SLC24A2: variants seen among roughly 807,000 people sequenced by gnomAD.
SLC24A2 encodes the protein solute carrier family 24 member 2, also known as sodium/potassium/calcium exchanger 2.
SLC24A2 carries 36 observed loss-of-function variants against 62.0 expected under a neutral mutation model. That is an observed-to-expected ratio of 0.58 (90% CI 0.44 to 0.77). The LOEUF is 0.77. SLC24A2 is among the 30% of genes least tolerant of loss of function. The probability of loss-of-function intolerance (pLI) is 0.00; values close to 1 mark genes in which losing one functional copy is unlikely to be tolerated. For synonymous variants in SLC24A2, 358 were observed against 294.0 expected, an observed-to-expected ratio of 1.22 and a Z score of -2.23; for missense variants, 846 against 817.9, an observed-to-expected ratio of 1.03 and a Z score of -0.42.
At position 19,623,981 on chromosome 9, in the gene SLC24A2, T is replaced by C. The variant is rs573145159; in HGVS notation, c.931-1682A>G. On this transcript the variant is annotated intron_variant, in intron 2 of 10. Transcript: ENST00000341998. ...AAACGCTAATAGGGAAATATCCTGATGCCCTAGTTCCCAAGAGCCTGCTTG... is the reference window on the plus strand; with the variant it reads ...AAACGCTAATAGGGAAATATCCTGACGCCCTAGTTCCCAAGAGCCTGCTTG... 3.9e-5 allele frequency among the ~76,000 whole-genome samples: 6 copies of C among 152,354 alleles called. No individual in the cohort carries two copies. In the South Asian group the frequency reaches 1.2e-3, roughly 32 times the overall value.
chr9:19,550,563 G>A (rs1834794136), intron 7 of SLC24A2, among the ~76,000 whole-genome samples: 1 of 152,090 alleles, frequency 6.6e-6, no homozygotes, highest in Non-Finnish European at 1.5e-5. Flanking sequence ...TACAATTCAC[G>A]AGCTTCTTAT....
chr9:19,962,321 A>T, the SLC24A2 span, among the ~76,000 whole-genome samples: 1 of 152,088 alleles, frequency 6.6e-6, no homozygotes, highest in African/African-American at 2.4e-5. Flanking sequence ...TTGTTCTTTT[A>T]GCTTAGGATT....
chr9:20,153,254 A>C, the SLC24A2 span, among the ~76,000 whole-genome samples: 4 of 151,924 alleles, frequency 2.6e-5, no homozygotes, highest in Non-Finnish European at 2.9e-5. Flanking sequence ...CTGTAGGAGA[A>C]ACTGAATCTA....
chr9:19,577,089 G>T lies in SLC24A2; in HGVS notation c.1130-67C>A, dbSNP rs1024275466. The T allele has an allele frequency of 2.3e-5, 29 of 1,249,048 alleles. No individual in the cohort carries two copies. In the African/African-American group the frequency reaches 3.8e-4, roughly 17 times the overall value. 77.4% of individuals were successfully genotyped at this position (1,249,048 alleles called of 1,614,324 possible). A position where few individuals can be genotyped will look rare whatever the true frequency, so the allele number is the denominator to read the frequency against. On this transcript the variant is annotated intron_variant, in intron 5 of 10. Coordinates refer to ENST00000341998, the MANE Select transcript of SLC24A2 (RefSeq NM_020344.4). ...AGAAGAGAGTCTCAGGGCCAAGCAG[G>T]TATGTGGCCTCCTCAGTCACGCTGC...
the SLC24A2 span, among the ~76,000 whole-genome samples, chr9:19,865,462 A>C: frequency 6.6e-6 from 1 of 152,196 alleles, no homozygotes; most frequent in Admixed American, 6.5e-5. Context: ...TTATGCTAGA[A>C]AGATATGGTA....
intron 2 of SLC24A2, among the ~76,000 whole-genome samples, chr9:19,687,504 T>C (rs964120893): frequency 2.6e-5 from 4 of 152,034 alleles, no homozygotes; most frequent in African/African-American, 9.7e-5. Context: ...TATCAGGCCA[T>C]AGCTATGACG....
At chr9:20,294,319 C>T in the SLC24A2 span, among the ~76,000 whole-genome samples, 6 of 152,038 alleles carry the variant, frequency 3.9e-5, no homozygotes, top group Non-Finnish European at 7.4e-5. Flanking sequence ...CTGCTCATCA[C>T]GGTGACAATG....
At chr9:20,160,643 A>G in the SLC24A2 span, among the ~76,000 whole-genome samples, 2 of 151,266 alleles carry the variant, frequency 1.3e-5, no homozygotes, top group African/African-American at 4.8e-5. Context: ...AAAAAATTAT[A>G]AAATATTCTA....
At chr9:19,828,227 G>C in the SLC24A2 span, among the ~76,000 whole-genome samples, 10 of 152,020 alleles carry the variant, frequency 6.6e-5, no homozygotes, top group African/African-American at 2.4e-4. Context: ...TAGCACAACA[G>C]AGTGACCATC....
chr9:19,791,085 T>C (rs1426067498), upstream of SLC24A2, among the ~76,000 whole-genome samples: 8 of 152,232 alleles, frequency 5.3e-5, no homozygotes, highest in Admixed American at 5.2e-4. Flanking sequence ...ATTTTTCTCA[T>C]GGTAAAAAGA....
chr9:19,992,412 T>C, the SLC24A2 span, among the ~76,000 whole-genome samples: 1 of 152,224 alleles, frequency 6.6e-6, no homozygotes, highest in African/African-American at 2.4e-5. Context: ...CTATGCATCA[T>C]GAGTTGAAAA....
the SLC24A2 span, among the ~76,000 whole-genome samples, chr9:20,299,505 G>A: frequency 6.6e-6 from 1 of 152,176 alleles, no homozygotes; most frequent in Non-Finnish European, 1.5e-5. Flanking sequence ...ACTCCCTTGA[G>A]GGGGCTCCAA....
chr9:19,713,969 T>G (rs1235898708), intron 2 of SLC24A2, among the ~76,000 whole-genome samples: 2 of 152,182 alleles, frequency 1.3e-5, no homozygotes, highest in Admixed American at 6.5e-5. Context: ...ATGGTCAGAG[T>G]ATTCTCCTAC....
chr9:19,707,753 C>T (rs1820577927), intron 2 of SLC24A2, among the ~76,000 whole-genome samples: 2 of 152,130 alleles, frequency 1.3e-5, no homozygotes, highest in Non-Finnish European at 2.9e-5. Flanking sequence ...TGGGATGTAT[C>T]TCAAAATAAT....
chr9:19,535,734 C>T (rs1284905801), intron 8 of SLC24A2, among the ~76,000 whole-genome samples: 1 of 152,076 alleles, frequency 6.6e-6, no homozygotes, highest in East Asian at 1.9e-4. Flanking sequence ...GTACCAGTAC[C>T]ATGCTGTTTT....
chr9:19,541,489 C>A (rs1041155684), intron 8 of SLC24A2, among the ~76,000 whole-genome samples: 1 of 150,038 alleles, frequency 6.7e-6, no homozygotes, highest in Non-Finnish European at 1.5e-5. Context: ...TGTGCCCCTG[C>A]TGGGGGGTGC....
chr9:20,031,096 A>G, the SLC24A2 span, among the ~76,000 whole-genome samples: 2 of 151,882 alleles, frequency 1.3e-5, no homozygotes, highest in East Asian at 3.9e-4. Context: ...ATGGATATAG[A>G]TATATATGTA....
intron 4 of SLC24A2, among the ~76,000 whole-genome samples, chr9:19,608,385 C>T (rs1837050628): frequency 6.6e-6 from 1 of 151,912 alleles, no homozygotes; most frequent in African/African-American, 2.4e-5. Flanking sequence ...AAAGCAAACC[C>T]AGCAAGCAAG....
intron 2 of SLC24A2, among the ~76,000 whole-genome samples, chr9:19,732,581 C>T (rs1022371681): frequency 3.3e-5 from 5 of 152,178 alleles, no homozygotes; most frequent in African/African-American, 1.2e-4. Context: ...GGAACATATG[C>T]AATGTCTTAA....
Sources: allele counts gnomAD v4.1 joint callset (sites outside exome capture counted in the v4.1 genomes callset), GRCh38; gene constraint gnomAD v4.1.1; transcripts MANE v1.5; gene names NCBI Gene and HGNC (gene_info 2026-07-23, HGNC 2026-07-21).